TRIM64B: variants seen among roughly 807,000 people sequenced by gnomAD.
TRIM64B encodes tripartite motif-containing protein 64B.
For missense variants in TRIM64B, 57 were observed against 536.4 expected (o/e 0.11, Z 8.83); for synonymous variants, 17 against 190.3 (o/e 0.09, Z 7.50).
chr11:89,875,110 C>T (rs2134709688), intron 1 of TRIM64B, 37 bp from the exon 3 acceptor site: 2 of 1,540,338 alleles, frequency 1.3e-6, no homozygotes, highest in East Asian at 4.9e-5. Flanking sequence ...ATAATGAAGA[C>T]AGTATAGTAG....
chr11:89,876,012 ATC>A lies in TRIM64B; in HGVS notation c.4_5del (p.Asp2PhefsTer10). 6.8e-7 allele frequency: 1 copy of A among 1,465,184 alleles called. No individual in the cohort carries two copies. The highest frequency in any genetic ancestry group is 9.0e-7 in the Non-Finnish European group (1 of 1,112,748). 90.8% of individuals were successfully genotyped at this position (1,465,184 alleles called of 1,614,324 possible). On this transcript the variant is annotated frameshift_variant, in exon 1 of 6. Transcript: ENST00000329862. LOFTEE classifies it high-confidence loss of function. ...TCTGGAAGACTTGCAGGTCGTCTGA[ATC>A]CATGTTTCTGGAAATTAAAAAAAAA... is the stretch of plus-strand genomic sequence containing the variant.
chr11:89,876,451 C>T (rs868454932), upstream of TRIM64B, among the ~76,000 whole-genome samples: 4 of 149,448 alleles, frequency 2.7e-5, no homozygotes, highest in South Asian at 4.2e-4. Flanking sequence ...TGGCAGGGCG[C>T]GGTACTCATG....
intron 1 of TRIM64B, 52 bp from the exon 3 acceptor site, chr11:89,875,125 C>A: frequency 6.5e-7 from 1 of 1,537,886 alleles, no homozygotes. Flanking sequence ...TAGTAGATTT[C>A]ATACCCTTAT....
At chr11:89,875,099 A>T in intron 1 of TRIM64B, 26 bp from the exon 3 acceptor site, 1 of 1,543,320 alleles carries the variant, frequency 6.5e-7, no homozygotes, top group Non-Finnish European at 8.8e-7. Context: ...GAAGCTTAGC[A>T]ATAATGAAGA....
chr11:89,877,976 A>C (rs1950175846), upstream of TRIM64B, among the ~76,000 whole-genome samples: 2 of 148,430 alleles, frequency 1.3e-5, no homozygotes, highest in Non-Finnish European at 1.5e-5. Context: ...CAAATTTTGA[A>C]GAGACAGCAA....
At chr11:89,871,342 G>T (rs1950105869) in intron 5 of TRIM64B, among the ~76,000 whole-genome samples, 1 of 152,204 alleles carries the variant, frequency 6.6e-6, no homozygotes, top group Non-Finnish European at 1.5e-5. Context: ...TACCACAGGG[G>T]AAATAATGAT....
At chr11:89,876,847 G>T (rs1404219746), upstream of TRIM64B, among the ~76,000 whole-genome samples, 2 of 149,436 alleles carry the variant, frequency 1.3e-5, no homozygotes, top group Non-Finnish European at 3.0e-5. Flanking sequence ...GAACAACCGT[G>T]ATGCAAATGA....
At chr11:89,872,781 AG>A (rs1160734863) in intron 4 of TRIM64B, among the ~76,000 whole-genome samples, 7 of 151,786 alleles carry the variant, frequency 4.6e-5, no homozygotes, top group African/African-American at 1.5e-4. Flanking sequence ...CCTGCTGCTG[AG>A]GGGCCCGAGG....
chr11:89,877,199 C>T (rs1226316212), upstream of TRIM64B, among the ~76,000 whole-genome samples: 4 of 102,072 alleles, frequency 3.9e-5, no homozygotes, highest in Admixed American at 3.8e-4. Flanking sequence ...AGTGGACTGT[C>T]AACTCCTAAA....
exon 6 of TRIM64B, chr11:89,870,981 C>A (rs2134699688): frequency 6.4e-7 from 1 of 1,550,414 alleles, no homozygotes; most frequent in African/African-American, 1.4e-5. Context: ...CTTGCGCTCC[C>A]CACACAGCAA....
At chr11:89,871,463 C>T (rs1950107367) in intron 5 of TRIM64B, among the ~76,000 whole-genome samples, 1 of 152,108 alleles carries the variant, frequency 6.6e-6, no homozygotes, top group African/African-American at 2.4e-5. Context: ...AACAGGTAGA[C>T]ATCAATTTGC....
chr11:89,877,926 A>T (rs1950175585), upstream of TRIM64B, among the ~76,000 whole-genome samples: 1 of 149,000 alleles, frequency 6.7e-6, no homozygotes, highest in Admixed American at 6.7e-5. Flanking sequence ...CAGCCGATTA[A>T]ATCTATTTTC....
At chr11:89,874,337 A>C (rs1466764710) in intron 2 of TRIM64B, 58 bp from the exon 4 acceptor site, 2 of 1,014,464 alleles carry the variant, frequency 2.0e-6, no homozygotes, top group Non-Finnish European at 2.8e-6. Flanking sequence ...GAAAACTTCA[A>C]ATAATTATAT....
chr11:89,875,480 T>A, intron 1 of TRIM64B, 130 bp downstream of exon 2: 2 of 1,418,246 alleles, frequency 1.4e-6, no homozygotes. Flanking sequence ...GACACATTCA[T>A]GTGTTATGAT....
At chr11:89,872,336 A>G (rs1353380293) in intron 4 of TRIM64B, 24 bp from the exon 6 acceptor site, 11 of 1,461,346 alleles carry the variant, frequency 7.5e-6, no homozygotes, top group Non-Finnish European at 1.0e-5. Context: ...GGCCTCAGTT[A>G]TATTTCCAGG....
At chr11:89,876,403 T>G (rs1183024340), upstream of TRIM64B, among the ~76,000 whole-genome samples, 1 of 148,714 alleles carries the variant, frequency 6.7e-6, no homozygotes, top group Non-Finnish European at 1.5e-5. Flanking sequence ...TGCCATACTG[T>G]TTAGGAACAG....
chr11:89,875,126 A>T (rs1160745386), intron 1 of TRIM64B, 53 bp from the exon 3 acceptor site: 1 of 1,539,260 alleles, frequency 6.5e-7, no homozygotes, highest in Admixed American at 2.0e-5. Context: ...AGTAGATTTC[A>T]TACCCTTATC....
chr11:89,876,884 A>AT (rs1479714639), upstream of TRIM64B, among the ~76,000 whole-genome samples: 4 of 149,326 alleles, frequency 2.7e-5, 1 homozygote, highest in African/African-American at 9.7e-5. Context: ...TCCTCATGGC[A>AT]TTTTTGTTAA....
upstream of TRIM64B, among the ~76,000 whole-genome samples, chr11:89,877,425 CA>C (rs570641706): frequency 1.2e-4 from 16 of 137,072 alleles, no homozygotes; most frequent in Admixed American, 2.2e-4. Context: ...TCTAAAATAA[CA>C]AAAAAAAAGT....
Sources: allele counts gnomAD v4.1 joint callset (sites outside exome capture counted in the v4.1 genomes callset), GRCh38; gene constraint gnomAD v4.1.1; transcripts MANE v1.5; gene names NCBI Gene and HGNC (gene_info 2026-07-23, HGNC 2026-07-21).